Variants in EYS observed in about 807,000 individuals in gnomAD.
The protein encoded by EYS is protein eyes shut homolog.
EYS carries 250 observed loss-of-function variants against 282.1 expected under a neutral mutation model. The observed-to-expected ratio is 0.89, with a 90% CI of 0.80 to 0.98. EYS has a LOEUF of 0.98. Ranked by LOEUF, EYS falls within the 50% of genes least tolerant of loss-of-function variation. The probability of loss-of-function intolerance (pLI) is 0.00; values close to 1 mark genes in which losing one functional copy is unlikely to be tolerated. For synonymous variants in EYS, 1,355 were observed against 1,282.9 expected, an observed-to-expected ratio of 1.06 and a Z score of -1.20; for missense variants, 4,016 against 3,709.0, an observed-to-expected ratio of 1.08 and a Z score of -2.15.
At chr6:63,810,110 A>C (rs1419483146) in intron 36 of EYS, among the ~76,000 whole-genome samples, 4 of 151,248 alleles carry the variant, frequency 2.6e-5, no homozygotes, top group Non-Finnish European at 5.9e-5. Context: ...AGAAAAAGAA[A>C]ATTAGCCGAG....
chr6:65,407,713 G>A (rs1766811009), intron 5 of EYS, among the ~76,000 whole-genome samples: 2 of 151,262 alleles, frequency 1.3e-5, no homozygotes, highest in Admixed American at 6.6e-5. Context: ...AATAAAGACA[G>A]TTTTACTGCT....
chr6:64,400,980 A>G (rs911677741), intron 28 of EYS, among the ~76,000 whole-genome samples: 1 of 152,030 alleles, frequency 6.6e-6, no homozygotes, highest in Non-Finnish European at 1.5e-5. Flanking sequence ...CATTAAGTTT[A>G]TGTATTCAGA....
intron 33 of EYS, among the ~76,000 whole-genome samples, chr6:64,014,362 T>C (rs1768787522): frequency 6.6e-6 from 1 of 151,864 alleles, no homozygotes; most frequent in Admixed American, 6.6e-5. Context: ...TAACATTAAG[T>C]ATGTAGTTTT....
intron 26 of EYS, among the ~76,000 whole-genome samples, chr6:64,523,942 AT>A (rs1364900748): frequency 1.3e-5 from 2 of 151,730 alleles, no homozygotes; most frequent in African/African-American, 4.8e-5. Flanking sequence ...TGATTGAATA[AT>A]TGTTTGGTTA....
At chr6:64,724,563 A>G (rs1771689768) in intron 22 of EYS, among the ~76,000 whole-genome samples, 1 of 152,220 alleles carries the variant, frequency 6.6e-6, no homozygotes, top group African/African-American at 2.4e-5. Context: ...TTTTCTATAA[A>G]GAATAGTTTA....
chr6:65,602,972 C>T (rs1450492783), intron 2 of EYS, among the ~76,000 whole-genome samples: 4 of 151,948 alleles, frequency 2.6e-5, no homozygotes, highest in Non-Finnish European at 1.5e-5. Context: ...TGATTGTAAG[C>T]ATTGAAGCAG....
Position 63,847,643 on chromosome 6 carries a change from T to C in EYS, c.7228+16543A>G, listed in dbSNP as rs759628519. Reference sequence around the variant, plus strand: ...TAAAAATACTCTGTTGCCAGACTAATGTTTTTCTTTAAGAAATTGTTTTTT... The same window carrying C: ...TAAAAATACTCTGTTGCCAGACTAACGTTTTTCTTTAAGAAATTGTTTTTT... On this transcript the variant is annotated intron_variant, in intron 36 of 42. Coordinates refer to ENST00000503581, the MANE Select transcript of EYS (RefSeq NM_001142800.2). Among the ~76,000 whole-genome samples, 6 of 152,242 alleles carry C rather than the reference T, an allele frequency of 3.9e-5. No individual in the cohort carries two copies. In the East Asian group the frequency reaches 9.6e-4, roughly 24 times the overall value.
At chr6:63,777,790 C>T in intron 40 of EYS, 1 of 484,734 alleles carries the variant, frequency 2.1e-6, no homozygotes, top group Non-Finnish European at 3.7e-6. Context: ...GATTCACTGT[C>T]ATTGTTTCAC....
At chr6:64,518,035 A>C (rs898887702) in intron 26 of EYS, among the ~76,000 whole-genome samples, 2 of 151,830 alleles carry the variant, frequency 1.3e-5, no homozygotes, top group South Asian at 4.2e-4. Context: ...AAGATGCAAA[A>C]GTGCCCTACA....
chr6:64,368,135 C>T (rs948501087), intron 29 of EYS, among the ~76,000 whole-genome samples: 4 of 152,030 alleles, frequency 2.6e-5, no homozygotes, highest in South Asian at 2.1e-4. Context: ...CTGTTGTTCT[C>T]GTCTGCGTCC....
intron 31 of EYS, among the ~76,000 whole-genome samples, chr6:64,082,334 C>A (rs143038951): frequency 3.3e-5 from 5 of 151,808 alleles, no homozygotes; most frequent in Admixed American, 3.3e-4. Context: ...GATTCTTTTG[C>A]GATATTTTGT....
intron 15 of EYS, among the ~76,000 whole-genome samples, chr6:64,937,912 G>C (rs1195468278): frequency 6.6e-6 from 1 of 151,536 alleles, no homozygotes; most frequent in African/African-American, 2.4e-5. Flanking sequence ...CAAATTTGCT[G>C]TAACTTTATG....
chr6:64,920,446 C>A (rs537475076), intron 15 of EYS, among the ~76,000 whole-genome samples: 13 of 151,952 alleles, frequency 8.6e-5, no homozygotes, highest in Admixed American at 5.2e-4. Flanking sequence ...TGTGTGTAAG[C>A]GGAAAATTGA....
In EYS at chr6:64,151,060, T is replaced by A. The variant is rs1288644163; in HGVS notation, c.6425-69058A>T. On this transcript the variant is annotated intron_variant, in intron 31 of 42. Coordinates refer to ENST00000503581, the MANE Select transcript of EYS (RefSeq NM_001142800.2). The stretch of plus-strand genomic sequence containing the variant: ...CAAATGTTCTTATATGACATATGTA[T>A]ATTTTTGTTTAAGTATACAAATATT... Among the ~76,000 whole-genome samples the A allele has an allele frequency of 2.6e-5, 4 of 151,828 alleles. No individual in the cohort carries two copies. The East Asian group carries it at 7.8e-4, about 29-fold the overall frequency.
At chr6:64,088,451 T>C (rs1157506426) in intron 31 of EYS, among the ~76,000 whole-genome samples, 1 of 151,968 alleles carries the variant, frequency 6.6e-6, no homozygotes, top group Non-Finnish European at 1.5e-5. Flanking sequence ...ACTAATTATA[T>C]TAACTTTGAT....
chr6:64,339,611 C>T (rs151269560), intron 29 of EYS, among the ~76,000 whole-genome samples: 48 of 151,908 alleles, frequency 3.2e-4, no homozygotes, highest in African/African-American at 9.2e-4. Context: ...CCATTTGATC[C>T]GGCAATCCCA....
chr6:64,534,925 G>GCACA (rs1319117652), intron 26 of EYS, among the ~76,000 whole-genome samples: 1 of 151,992 alleles, frequency 6.6e-6, no homozygotes, highest in Non-Finnish European at 1.5e-5. Flanking sequence ...AAAGGTGCAT[G>GCACA]CACACACACA....
chr6:64,600,721 T>C (rs1766736709), intron 24 of EYS, among the ~76,000 whole-genome samples: 1 of 152,120 alleles, frequency 6.6e-6, no homozygotes, highest in Non-Finnish European at 1.5e-5. Context: ...CCGGGGCTAA[T>C]ATGATGGCTG....
chr6:64,346,637 G>A (rs1409190960), intron 29 of EYS, among the ~76,000 whole-genome samples: 1 of 151,644 alleles, frequency 6.6e-6, no homozygotes, highest in Non-Finnish European at 1.5e-5. Context: ...CACCAACATG[G>A]CACATGTATA....
Sources: gnomAD v4.1 joint callset for allele counts (sites outside exome capture counted in the v4.1 genomes callset) on GRCh38, gnomAD v4.1.1 for gene constraint, MANE v1.5 for transcripts, NCBI Gene and HGNC (gene_info 2026-07-23, HGNC 2026-07-21) for gene names.